The following DIP2C variants were observed in gnomAD, a reference collection of about 807,000 sequenced individuals.
The protein encoded by DIP2C is DIP2 acetate--CoA ligase C (putative), also known as disco-interacting protein 2 homolog C.
DIP2C carries 33 observed loss-of-function variants against 192.4 expected under a neutral mutation model. The observed-to-expected ratio is 0.17, with a 90% CI of 0.13 to 0.23. DIP2C has a LOEUF of 0.23. Among genes scored for constraint, DIP2C ranks in the 10% least tolerant of loss-of-function variants. The probability of loss-of-function intolerance (pLI) is 1.00; values close to 1 mark genes in which losing one functional copy is unlikely to be tolerated. For missense variants in DIP2C, 1,537 were observed against 2,110.1 expected (o/e 0.73, Z 5.32); for synonymous variants, 979 against 864.1 (o/e 1.13, Z -2.33).
intron 1 of DIP2C, among the ~76,000 whole-genome samples, chr10:661,100 T>C (rs1474080332): frequency 6.6e-6 from 1 of 152,198 alleles, no homozygotes; most frequent in African/African-American, 2.4e-5. Flanking sequence ...CCATTGACAG[T>C]AACCCTGAGT....
intron 1 of DIP2C, among the ~76,000 whole-genome samples, chr10:683,166 G>T (rs1436270740): frequency 6.6e-6 from 1 of 152,200 alleles, no homozygotes; most frequent in African/African-American, 2.4e-5. Context: ...ACAACTCAAT[G>T]TCTTAGCACT....
intron 1 of DIP2C, among the ~76,000 whole-genome samples, chr10:554,502 T>C (rs1407669687): frequency 6.6e-6 from 1 of 152,226 alleles, no homozygotes. Context: ...GGTTATAAGT[T>C]ATAAAATAAC....
rs17158977 is a variant in DIP2C, at chr10:286,350, A to G, written c.4045-3T>C. 5,429 of 1,614,028 alleles carry G rather than the reference A, an allele frequency of 3.4e-3. 165 individuals carry two copies. The African/African-American group carries it at 0.064, about 19-fold the overall frequency. On this transcript the variant is annotated splice_polypyrimidine_tract_variant and splice_region_variant and intron_variant, in intron 33 of 36. Transcript: ENST00000280886. ...ATAATCCGAACCCCTGGAAGTATCT[A>G]TTTGGGAGAGGAAAAGTCTCTTGTC...
intron 1 of DIP2C, among the ~76,000 whole-genome samples, chr10:601,464 G>T (rs575694609): frequency 1.3e-5 from 2 of 152,362 alleles, no homozygotes; most frequent in African/African-American, 4.8e-5. Context: ...GCTCCAGATG[G>T]ATGTGGTGGG....
chr10:496,834 A>G (rs1054792646), intron 1 of DIP2C, among the ~76,000 whole-genome samples: 1 of 152,158 alleles, frequency 6.6e-6, no homozygotes, highest in Non-Finnish European at 1.5e-5. Context: ...TGTACTTAAA[A>G]TCTCCACAGG....
chr10:526,109 G>T (rs143027744), intron 1 of DIP2C, among the ~76,000 whole-genome samples: 1 of 152,196 alleles, frequency 6.6e-6, no homozygotes, highest in Non-Finnish European at 1.5e-5. Context: ...AATGAGAGAA[G>T]GGAATTACAA....
intron 1 of DIP2C, among the ~76,000 whole-genome samples, chr10:565,368 AAAAG>A (rs1849408111): frequency 6.6e-6 from 1 of 151,858 alleles, no homozygotes; most frequent in Admixed American, 6.6e-5. Context: ...AAAAAAAAAA[AAAAG>A]ACCTAGACAA....
At chr10:314,858 C>T (rs1449906386) in intron 31 of DIP2C, among the ~76,000 whole-genome samples, 1 of 152,192 alleles carries the variant, frequency 6.6e-6, no homozygotes, top group East Asian at 1.9e-4. Context: ...TCTTATACTA[C>T]TGCATTAGGG....
chr10:649,116 G>A (rs958211346), intron 1 of DIP2C, among the ~76,000 whole-genome samples: 3 of 149,030 alleles, frequency 2.0e-5, no homozygotes, highest in South Asian at 2.2e-4. Context: ...CGGTGGGAGA[G>A]AACAGAGCGA....
intron 1 of DIP2C, among the ~76,000 whole-genome samples, chr10:544,176 T>C (rs1250480625): frequency 6.6e-6 from 1 of 151,210 alleles, no homozygotes; most frequent in African/African-American, 2.5e-5. Flanking sequence ...GCCGGCATCT[T>C]TCCCGTTCAA....
chr10:405,285 CTTT>C (rs1044005003), intron 9 of DIP2C, among the ~76,000 whole-genome samples: 3 of 152,316 alleles, frequency 2.0e-5, no homozygotes, highest in South Asian at 2.1e-4. Context: ...GGAAGTTCTT[CTTT>C]ATCAGGGGTT....
At chr10:641,051 A>G (rs1370685728) in intron 1 of DIP2C, among the ~76,000 whole-genome samples, 1 of 152,116 alleles carries the variant, frequency 6.6e-6, no homozygotes, top group African/African-American at 2.4e-5. Flanking sequence ...GGCATCTGGC[A>G]CATTGAGACT....
chr10:567,578 T>C (rs1849528243), intron 1 of DIP2C, among the ~76,000 whole-genome samples: 1 of 152,210 alleles, frequency 6.6e-6, no homozygotes, highest in African/African-American at 2.4e-5. Context: ...TGAATATTTC[T>C]GCCAAACAAA....
chr10:504,867 G>A (rs945458870), intron 1 of DIP2C, among the ~76,000 whole-genome samples: 3 of 152,126 alleles, frequency 2.0e-5, no homozygotes, highest in Admixed American at 6.5e-5. Flanking sequence ...CAGCTCCAGC[G>A]GTGCTGACCC....
intron 4 of DIP2C, among the ~76,000 whole-genome samples, chr10:428,011 C>T (rs1966704966): frequency 1.3e-5 from 2 of 152,112 alleles, no homozygotes; most frequent in African/African-American, 4.8e-5. Context: ...GAATGAATAA[C>T]CAACTGGTAA....
At chr10:393,797 G>GAAAAAAAAAAAAA in intron 10 of DIP2C, among the ~76,000 whole-genome samples, 1 of 78,798 alleles carries the variant, frequency 1.3e-5, no homozygotes, top group Non-Finnish European at 2.7e-5. Flanking sequence ...AAAAAAAAAA[G>GAAAAAAAAAAAAA]AAAAAAAAAG....
intron 29 of DIP2C, among the ~76,000 whole-genome samples, chr10:333,356 T>TG (rs1957587139): frequency 6.6e-6 from 1 of 152,214 alleles, no homozygotes; most frequent in Non-Finnish European, 1.5e-5. Context: ...AGGGATCCCG[T>TG]GTCCATCTGC....
chr10:582,098 G>T (rs926489457), intron 1 of DIP2C, among the ~76,000 whole-genome samples: 1 of 152,050 alleles, frequency 6.6e-6, no homozygotes, highest in Non-Finnish European at 1.5e-5. Context: ...TGCTGCCACT[G>T]ATCCAAGAGG....
rs1362921539 is a variant in DIP2C at position 581,283 on chromosome 10, T to TAC, written c.86-94755_86-94754dup. Reference sequence around the variant, plus strand: ...TGTGTTTGTATGTCTAAAAAGTTAATACATCCACACCCAACTTTCTAAATG... The same window carrying TAC: ...TGTGTTTGTATGTCTAAAAAGTTAATACACATCCACACCCAACTTTCTAAATG... On this transcript the variant is annotated intron_variant, in intron 1 of 36. Transcript: ENST00000280886. Among the ~76,000 whole-genome samples, 11 of 152,274 alleles carry TAC rather than the reference T, an allele frequency of 7.2e-5. 1 individual carries two copies. The highest frequency in any genetic ancestry group is 3.4e-3 in the Middle Eastern group (1 of 294).
Sources: allele counts gnomAD v4.1 joint callset (sites outside exome capture counted in the v4.1 genomes callset), GRCh38; gene constraint gnomAD v4.1.1; transcripts MANE v1.5; gene names NCBI Gene and HGNC (gene_info 2026-07-23, HGNC 2026-07-21).